Variants in OBSL1 observed in about 807,000 individuals in gnomAD.
The protein encoded by OBSL1 is obscurin like cytoskeletal adaptor 1.
OBSL1 carries 160 observed loss-of-function variants against 172.0 expected under a neutral mutation model. That is an observed-to-expected ratio of 0.93 (90% CI 0.82 to 1.06). The LOEUF is 1.06. Among genes scored for constraint, OBSL1 ranks in the 50% least tolerant of loss-of-function variants. The probability of loss-of-function intolerance (pLI) is 0.00; values close to 1 mark genes in which losing one functional copy is unlikely to be tolerated. For synonymous variants in OBSL1, 1,200 were observed against 1,196.3 expected, an observed-to-expected ratio of 1.00 and a Z score of -0.06; for missense variants, 2,681 against 2,715.4, an observed-to-expected ratio of 0.99 and a Z score of 0.28.
At chr2:219,564,030 A>C (rs1284374586) in intron 6 of OBSL1, among the ~76,000 whole-genome samples, 1 of 152,188 alleles carries the variant, frequency 6.6e-6, no homozygotes, top group Non-Finnish European at 1.5e-5. Flanking sequence ...ATGATCCAAC[A>C]AGTGGCAACA....
intron 14 of OBSL1, chr2:219,555,049 G>A (rs1458289900): frequency 4.9e-6 from 2 of 411,508 alleles, no homozygotes; most frequent in Non-Finnish European, 8.8e-6. Context: ...GACACACTAG[G>A]AATGGAACCT....
At position 219,557,516 on chromosome 2, in the gene OBSL1, C is replaced by A. The variant is rs1559139538; in HGVS notation, c.3893G>T (p.Gly1298Val). ...ELVVHLSGPG[G>V]PVRWYKDGER... ...CCCGTCCTTGTACCAGCGTACAGGG[C>A]CCCCTGGCCCGGAGAGGTGCACCAC... The change falls in exon 12 of 21, where the codon GGC (glycine) becomes GTC (valine). Residue 1298 changes from glycine to valine, a missense_variant. Gly to Val is a moderately radical substitution (Grantham distance 109). Coordinates refer to ENST00000404537, the MANE Select transcript of OBSL1 (RefSeq NM_015311.3). The A allele has an allele frequency of 6.4e-7, 1 of 1,552,292 alleles. No homozygotes were observed. Among genetic ancestry groups the A allele is most frequent in the South Asian group, 1.2e-5 (1 of 84,064 alleles).
intron 9 of OBSL1, 59 bp downstream of exon 9, chr2:219,559,166 T>G (rs892831238): frequency 6.7e-7 from 1 of 1,489,380 alleles, no homozygotes; most frequent in Non-Finnish European, 9.2e-7. Context: ...GCTAGGTGGG[T>G]GTCTGTCCCT....
In OBSL1 at chr2:219,570,817, A is replaced by C. The variant is rs1697296723; in HGVS notation, c.416T>G (p.Val139Gly). ...CAGCACCACCTCCGCCCCCCGCAGC[A>C]CCCACTGGGATCGAGGCCCCGTGAG... ...VFLTGPRSQW[V>G]LRGAEVVLTC... The change falls in exon 1 of 21, where the codon GTG becomes GGG. Residue 139 changes from valine (V) to glycine (G), a missense_variant. Physicochemically the swap from Val to Gly is moderately radical, Grantham distance 109. This residue lies in a region of OBSL1 where 706 missense variants were observed against 695.8 expected (regional missense o/e 1.01). Coordinates refer to ENST00000404537, the MANE Select transcript of OBSL1 (RefSeq NM_015311.3). 2.7e-6 allele frequency: 4 copies of C among 1,481,162 alleles called. No individual in the cohort carries two copies. The African/African-American group carries it at 5.8e-5, about 22-fold the overall frequency. The allele number at this position is 1,481,162 out of a possible 1,614,324, so 91.8% of individuals were successfully genotyped here.
rs1355147996 is a variant in OBSL1, at chr2:219,556,605, A to G, written c.4185T>C (p.Asn1395=). The G allele has an allele frequency of 6.2e-7, 1 of 1,613,790 alleles. No individual in the cohort carries two copies. Residue 1395 remains asparagine, a synonymous_variant, in exon 13 of 21, where the codon AAT becomes AAC. Coordinates refer to ENST00000404537, the MANE Select transcript of OBSL1 (RefSeq NM_015311.3). ...GGGGCCCTGGAGTGACGACGGCCCC[A>G]TTGCGCAGCCAGGTGACATCGGCAT... ...PPDADVTWLR[N]GAVVTPGPQV... is the part of the protein sequence containing the mutation.
Position 219,552,925 on chromosome 2 carries a change from TC to T in OBSL1, c.5088del (p.Thr1697ProfsTer16). On this transcript the variant is annotated frameshift_variant, in exon 17 of 21. Transcript: ENST00000404537. LOFTEE classifies it high-confidence loss of function. ...GCCGTCCCCACCGCGCAGCTGTAGGTCCCGGCGTCCGAGGGGCCGCAGCGTC... is the reference window on the plus strand; with the variant it reads ...GCCGTCCCCACCGCGCAGCTGTAGGTCCGGCGTCCGAGGGGCCGCAGCGTC... ...QLRRCGPSDA[G>X]TYSCAVGTAR... The T allele has an allele frequency of 6.5e-7, 1 of 1,537,558 alleles. No individual in the cohort carries two copies.
At chr2:219,555,943 C>T in intron 14 of OBSL1, 77 bp downstream of exon 14, 1 of 1,561,748 alleles carries the variant, frequency 6.4e-7, no homozygotes, top group Non-Finnish European at 8.7e-7. Context: ...TTGGTGGGGG[C>T]CTGAGGGACT....
downstream of OBSL1, chr2:219,547,610 A>G (rs749018406): frequency 5.4e-6 from 8 of 1,480,768 alleles, no homozygotes; most frequent in Non-Finnish European, 7.2e-6. Flanking sequence ...GACACAGCTG[A>G]GTGCTGGGGC....
At chr2:219,549,501 C>A, downstream of OBSL1, 1 of 1,252,146 alleles carries the variant, frequency 8.0e-7, no homozygotes, top group Non-Finnish European at 1.1e-6. Flanking sequence ...AGCCCATGCA[C>A]CAGGGGCTTG....
downstream of OBSL1, among the ~76,000 whole-genome samples, chr2:219,548,274 C>T (rs1695436595): frequency 6.6e-6 from 1 of 152,230 alleles, no homozygotes; most frequent in Admixed American, 6.5e-5. Context: ...AGTGCTGGCT[C>T]CGCACCAACC....
chr2:219,565,035 C>T (rs1314818778), intron 6 of OBSL1, among the ~76,000 whole-genome samples: 2 of 152,176 alleles, frequency 1.3e-5, no homozygotes, highest in Non-Finnish European at 2.9e-5. Flanking sequence ...CCACTGCCCT[C>T]CAGCCAGGGC....
At chr2:219,548,788 T>TAGAAA (rs1345983340), downstream of OBSL1, among the ~76,000 whole-genome samples, 5 of 152,170 alleles carry the variant, frequency 3.3e-5, no homozygotes, top group Non-Finnish European at 7.3e-5. Context: ...CTCATTCTGC[T>TAGAAA]GCCGAGTGTA....
At chr2:219,548,137 TGG>T, downstream of OBSL1, 1 of 1,429,036 alleles carries the variant, frequency 7.0e-7, no homozygotes, top group South Asian at 1.4e-5. Context: ...AGGGATGGGT[TGG>T]GGGCCAAGTG....
chr2:219,562,981 A>G, intron 7 of OBSL1: 1 of 489,428 alleles, frequency 2.0e-6, no homozygotes. Context: ...GGAACTGATG[A>G]GAGGAGGGTT....
rs1283237074 is a variant in OBSL1, at chr2:219,556,740, G to A, written c.4067-17C>T. 6.3e-7 allele frequency: 1 copy of A among 1,583,506 alleles called. No individual in the cohort carries two copies. The highest frequency in any genetic ancestry group is 8.6e-7 in the Non-Finnish European group (1 of 1,159,602). ...GCAGTGGCTCTAAGGGGCACGGTAA[G>A]GCAGTGAGCTGGGCTGAGTCTTTTC... On this transcript the variant is annotated splice_polypyrimidine_tract_variant and intron_variant, in intron 12 of 20. Transcript: ENST00000404537.
In OBSL1 at chr2:219,562,564, A is replaced by C. The variant is rs778567613; in HGVS notation, c.2791T>G (p.Trp931Gly). 5.1e-5 allele frequency: 82 copies of C among 1,613,528 alleles called. No individual in the cohort carries two copies. Among genetic ancestry groups the C allele is most frequent in the Non-Finnish European group, 5.9e-5 (70 of 1,179,802 alleles). ...ACCACCTCCTCTCCATCCTTGGTCCAGCGCACCTCTGCCCAGGGCCGGCAT... is the reference window on the plus strand; with the variant it reads ...ACCACCTCCTCTCCATCCTTGGTCCCGCGCACCTCTGCCCAGGGCCGGCAT... Reference protein sequence around the residue: ...ELCRPWAEVRWTKDGEEVVES... With the variant: ...ELCRPWAEVRGTKDGEEVVES... Residue 931 changes from tryptophan to glycine, a missense_variant, in exon 8 of 21, where the codon TGG becomes GGG. Coordinates refer to ENST00000404537, the MANE Select transcript of OBSL1 (RefSeq NM_015311.3).
At chr2:219,552,455 G>A in intron 18 of OBSL1, 81 bp downstream of exon 18, 1 of 1,424,946 alleles carries the variant, frequency 7.0e-7, no homozygotes, top group South Asian at 1.3e-5. Context: ...GCCAGGGGCG[G>A]GGCTTGTCCC....
chr2:219,557,611 AG>A lies in OBSL1; in HGVS notation c.3797del (p.Pro1266LeufsTer5). 6.5e-7 allele frequency: 1 copy of A among 1,539,618 alleles called. No homozygotes were observed. On this transcript the variant is annotated frameshift_variant, in exon 12 of 21. Coordinates refer to ENST00000404537, the MANE Select transcript of OBSL1 (RefSeq NM_015311.3). LOFTEE classifies it high-confidence loss of function. ...LSFTVQVAEP[P>X]VRVVAPEAAQ... is the part of the protein sequence containing the mutation. ...CTGCCTCGGGAGCTACCACCCGCAC[AG>A]GGGGCTCTGTGGAGTCAGAGCTGGA...
In OBSL1 at chr2:219,568,416, T is replaced by G; in HGVS notation, c.1013-92A>C. The G allele has an allele frequency of 4.0e-6, 5 of 1,234,808 alleles. No homozygotes were observed. Among genetic ancestry groups the G allele is most frequent in the Non-Finnish European group, 5.5e-6 (5 of 906,922 alleles). The allele number at this position is 1,234,808 out of a possible 1,614,324, so 76.5% of individuals were successfully genotyped here. A position where few individuals can be genotyped will look rare whatever the true frequency, so the allele number is the denominator to read the frequency against. ...TAGAAGCGCATTAGCTCATGCTGTG[T>G]GCTCTTCATGCAGAGCCAGCGGGCA... On this transcript the variant is annotated intron_variant, in intron 1 of 20. Coordinates refer to ENST00000404537, the MANE Select transcript of OBSL1 (RefSeq NM_015311.3). This position sits in a 1 kb window ranked among gnomAD's most constrained non-coding sequence, Gnocchi z 4.1.
Sources: gnomAD v4.1 joint callset for allele counts (sites outside exome capture counted in the v4.1 genomes callset) on GRCh38, gnomAD v4.1.1 for gene constraint, gnomAD v4.1.1 regional missense constraint, Gnocchi (gnomAD v3.1) non-coding constraint, MANE v1.5 for transcripts, NCBI Gene and HGNC (gene_info 2026-07-23, HGNC 2026-07-21) for gene names.